The following RUNX1 variants were observed in gnomAD, a reference collection of about 807,000 sequenced individuals.
The protein encoded by RUNX1 is RUNX family transcription factor 1, also known as runt-related transcription factor 1.
RUNX1 carries 19 observed loss-of-function variants against 42.8 expected under a neutral mutation model. The ratio of observed to expected loss-of-function variants is 0.44; its 90% CI spans 0.31 to 0.65. RUNX1 has a LOEUF of 0.65. Among genes scored for constraint, RUNX1 ranks in the 30% least tolerant of loss-of-function variants. The probability of loss-of-function intolerance (pLI) is 0.07; values close to 1 mark genes in which losing one functional copy is unlikely to be tolerated. For synonymous variants in RUNX1, 271 were observed against 289.4 expected, an observed-to-expected ratio of 0.94 and a Z score of 0.64; for missense variants, 528 against 672.0, an observed-to-expected ratio of 0.79 and a Z score of 2.37.
At chr21:34,886,616 G>C (rs2057991840) in intron 4 of RUNX1, among the ~76,000 whole-genome samples, 1 of 152,240 alleles carries the variant, frequency 6.6e-6, no homozygotes, top group South Asian at 2.1e-4. Flanking sequence ...ACACCCTGAT[G>C]TTTTCAGCCC....
At chr21:34,947,623 G>A (rs1317665229) in intron 2 of RUNX1, among the ~76,000 whole-genome samples, 1 of 152,144 alleles carries the variant, frequency 6.6e-6, no homozygotes, top group Non-Finnish European at 1.5e-5. Flanking sequence ...GGAATGCACA[G>A]CTATTTCACT....
chr21:35,022,852 G>A (rs937965535), intron 2 of RUNX1, among the ~76,000 whole-genome samples: 9 of 150,438 alleles, frequency 6.0e-5, no homozygotes, highest in Admixed American at 6.6e-5. Context: ...CCGAGATCGC[G>A]CCAGTGCACT....
chr21:34,834,311 A>G, intron 7 of RUNX1, 99 bp downstream of exon 7: 2 of 1,219,412 alleles, frequency 1.6e-6, no homozygotes, highest in Non-Finnish European at 2.4e-6. Context: ...TCAAGGGGAA[A>G]CCCCAGTTGG....
chr21:34,864,901 C>A (rs2146265802), intron 5 of RUNX1, among the ~76,000 whole-genome samples: 1 of 152,226 alleles, frequency 6.6e-6, no homozygotes, highest in Middle Eastern at 3.4e-3. Flanking sequence ...CATATAAAAT[C>A]CCATGAAGGT....
In RUNX1 at chr21:34,791,532, G is replaced by C. The variant is rs2056434736; in HGVS notation, c.*603C>G. On this transcript the variant is annotated 3_prime_UTR_variant, in exon 9 of 9. Transcript: ENST00000675419. ...AAAGGGAATCATATTTCTTTCCATG[G>C]TCAAAGCAAGAAAGAAGCAAGCTCA... 1 of 231,004 alleles carries C rather than the reference G, an allele frequency of 4.3e-6. No individual in the cohort carries two copies. Among genetic ancestry groups the C allele is most frequent in the East Asian group, 6.1e-5 (1 of 16,266 alleles). The allele number at this position is 231,004 out of a possible 1,614,324, so 14.3% of individuals were successfully genotyped here.
At chr21:34,813,772 T>G (rs1314318387) in intron 7 of RUNX1, among the ~76,000 whole-genome samples, 1 of 151,642 alleles carries the variant, frequency 6.6e-6, no homozygotes, top group African/African-American at 2.4e-5. Context: ...TCAACATTAC[T>G]TAAGGTTTCA....
intron 6 of RUNX1, among the ~76,000 whole-genome samples, chr21:34,844,379 A>T (rs778396982): frequency 6.6e-6 from 1 of 152,102 alleles, no homozygotes; most frequent in African/African-American, 2.4e-5. Flanking sequence ...AGGCGCACAC[A>T]CACTGCTTGC....
At chr21:34,806,358 C>T (rs182383983) in intron 7 of RUNX1, among the ~76,000 whole-genome samples, 36 of 152,238 alleles carry the variant, frequency 2.4e-4, no homozygotes, top group African/African-American at 7.7e-4. Flanking sequence ...ACAAAGCTGA[C>T]TTCAGAGGAA....
At position 34,894,232 on chromosome 21, in the gene RUNX1, G is replaced by A. The variant is rs183675084; in HGVS notation, c.59-1269C>T. Among the ~76,000 whole-genome samples the A allele has an allele frequency of 5.9e-5, 9 of 152,268 alleles. No homozygotes were observed. In the East Asian group the frequency reaches 1.5e-3, roughly 26 times the overall value. ...ACACCCAGCGGAACCACGCACCCTG[G>A]AAATTATGTCTTGAGACCCAGAGAA... is the stretch of plus-strand genomic sequence containing the variant. On this transcript the variant is annotated intron_variant, in intron 2 of 8. Coordinates refer to ENST00000675419, the MANE Select transcript of RUNX1 (RefSeq NM_001754.5).
At chr21:34,937,894 C>T (rs1453992817) in intron 2 of RUNX1, among the ~76,000 whole-genome samples, 2 of 152,142 alleles carry the variant, frequency 1.3e-5, no homozygotes, top group Non-Finnish European at 2.9e-5. Flanking sequence ...TTAATGGTAA[C>T]ACAAAAGGTC....
At chr21:34,975,258 T>C (rs1430551851) in intron 2 of RUNX1, among the ~76,000 whole-genome samples, 2 of 152,230 alleles carry the variant, frequency 1.3e-5, no homozygotes, top group Non-Finnish European at 2.9e-5. Flanking sequence ...TGAAGATACA[T>C]ATTTGGCTTC....
chr21:34,981,611 A>G (rs1359847924), intron 2 of RUNX1, among the ~76,000 whole-genome samples: 1 of 152,254 alleles, frequency 6.6e-6, no homozygotes, highest in Non-Finnish European at 1.5e-5. Context: ...TAGATTTTAC[A>G]AATATTTGGA....
At chr21:34,932,184 ATC>A (rs1402469225) in intron 2 of RUNX1, among the ~76,000 whole-genome samples, 2 of 152,160 alleles carry the variant, frequency 1.3e-5, no homozygotes, top group African/African-American at 4.8e-5. Context: ...TATTCTTTTT[ATC>A]TGTTTTCATG....
intron 2 of RUNX1, among the ~76,000 whole-genome samples, chr21:34,937,925 G>C (rs913685394): frequency 6.6e-6 from 1 of 152,132 alleles, no homozygotes; most frequent in African/African-American, 2.4e-5. Context: ...GAAGAAATTG[G>C]AAGTTAAATT....
rs936998456 is a variant in RUNX1, at chr21:34,843,421, A to G, written c.614-8820T>C. Among the ~76,000 whole-genome samples the G allele has an allele frequency of 1.3e-5, 2 of 152,182 alleles. No individual in the cohort carries two copies. The highest frequency in any genetic ancestry group is 1.3e-4 in the Admixed American group (2 of 15,284). ...CATGCATATACACACAGGCAGATAT[A>G]CAGACATGGGGACACATATATACAA... On this transcript the variant is annotated intron_variant, in intron 6 of 8. Transcript: ENST00000675419. This position sits in a 1 kb window ranked among gnomAD's most constrained non-coding sequence, Gnocchi z 4.8.
At chr21:35,033,365 C>G (rs576798436) in intron 2 of RUNX1, among the ~76,000 whole-genome samples, 1 of 152,194 alleles carries the variant, frequency 6.6e-6, no homozygotes, top group Non-Finnish European at 1.5e-5. Context: ...ATCCTTTGCA[C>G]GAGCTACCAA....
chr21:34,834,283 G>A (rs566440297), intron 7 of RUNX1, 127 bp downstream of exon 7: 7 of 983,346 alleles, frequency 7.1e-6, no homozygotes, highest in East Asian at 4.8e-5. Context: ...CTGTTGGTTC[G>A]AGGCCTTTCT....
intron 2 of RUNX1, among the ~76,000 whole-genome samples, chr21:34,916,287 T>C (rs1457853860): frequency 6.6e-6 from 1 of 152,206 alleles, no homozygotes; most frequent in Non-Finnish European, 1.5e-5. Context: ...TGATCATTAA[T>C]ATACTCTAAA....
At chr21:34,980,255 G>C (rs2058837440) in intron 2 of RUNX1, among the ~76,000 whole-genome samples, 1 of 152,156 alleles carries the variant, frequency 6.6e-6, no homozygotes, top group African/African-American at 2.4e-5. Context: ...TCTAAATAAG[G>C]CATCTTGCAA....
Sources: allele counts gnomAD v4.1 joint callset (sites outside exome capture counted in the v4.1 genomes callset), GRCh38; gene constraint gnomAD v4.1.1; non-coding constraint Gnocchi (gnomAD v3.1); transcripts MANE v1.5; gene names NCBI Gene and HGNC (gene_info 2026-07-23, HGNC 2026-07-21).